The following NELL2 variants were observed in gnomAD, a reference collection of about 807,000 sequenced individuals.
NELL2 encodes the protein neural EGFL like 2.
NELL2 carries 41 observed loss-of-function variants against 109.6 expected under a neutral mutation model. That is an observed-to-expected ratio of 0.37 (90% CI 0.29 to 0.49). The LOEUF is 0.49. Among genes scored for constraint, NELL2 ranks in the 20% least tolerant of loss-of-function variants. NELL2 has a pLI of 0.98. For synonymous variants in NELL2, 355 were observed against 344.7 expected (o/e 1.03, Z -0.33); for missense variants, 900 against 1,008.3 (o/e 0.89, Z 1.45).
rs188565281 is a variant in NELL2, at chr12:44,888,285, G to C, written c.39-12385C>G. Among the ~76,000 whole-genome samples, 486 of 151,266 alleles carry C rather than the reference G, an allele frequency of 3.2e-3. 7 individuals carry two copies. The highest frequency in any genetic ancestry group is 0.011 in the African/African-American group (458 of 41,090). ...CAGGTATTGTGATGCCTTTGGTTTT[G>C]TTCTTTCGGCTAAGGATTACTTTAG... On this transcript the variant is annotated intron_variant, in intron 1 of 20. Transcript: ENST00000333837.
chr12:44,617,817 G>A (rs879943158), intron 13 of NELL2, among the ~76,000 whole-genome samples: 59 of 151,998 alleles, frequency 3.9e-4, no homozygotes, highest in Admixed American at 9.8e-4. Context: ...ACTTCAGTGG[G>A]ACAATTTCTT....
At chr12:44,532,529 T>A in intron 16 of NELL2, 52 bp downstream of exon 16, 1 of 1,567,706 alleles carries the variant, frequency 6.4e-7, no homozygotes, top group Admixed American at 1.8e-5. Flanking sequence ...TATGATATAT[T>A]CCTCAAGTTC....
chr12:44,583,851 C>A (rs1006206648), intron 15 of NELL2, among the ~76,000 whole-genome samples: 1 of 152,210 alleles, frequency 6.6e-6, no homozygotes, highest in South Asian at 2.1e-4. Context: ...CAGCTCATTG[C>A]AATCTCTGCC....
chr12:44,774,371 G>A (rs1249075381), intron 9 of NELL2, among the ~76,000 whole-genome samples: 1 of 152,204 alleles, frequency 6.6e-6, no homozygotes, highest in African/African-American at 2.4e-5. Context: ...ATCTTCTGCT[G>A]CTGAAGGCCA....
chr12:44,747,125 C>T (rs1473355240), intron 9 of NELL2, among the ~76,000 whole-genome samples: 2 of 152,126 alleles, frequency 1.3e-5, no homozygotes, highest in South Asian at 2.1e-4. Context: ...AGCCATAAAA[C>T]GTGATGAGTT....
At chr12:44,780,298 T>C (rs1385433167) in intron 3 of NELL2, among the ~76,000 whole-genome samples, 1 of 152,022 alleles carries the variant, frequency 6.6e-6, no homozygotes, top group African/African-American at 2.4e-5. Flanking sequence ...TCTGGAAATA[T>C]CAATGAATGT....
chr12:44,785,627 C>A (rs947899291), intron 3 of NELL2, among the ~76,000 whole-genome samples: 77 of 152,292 alleles, frequency 5.1e-4, no homozygotes, highest in African/African-American at 1.7e-3. Context: ...TGACTTCAAA[C>A]TATACTACAG....
intron 15 of NELL2, among the ~76,000 whole-genome samples, chr12:44,573,439 C>A (rs749949972): frequency 6.6e-6 from 1 of 152,066 alleles, no homozygotes; most frequent in Non-Finnish European, 1.5e-5. Flanking sequence ...AAGAAATGTA[C>A]CACAAGCACT....
intron 9 of NELL2, among the ~76,000 whole-genome samples, chr12:44,748,398 C>T (rs1940493096): frequency 6.6e-6 from 1 of 152,060 alleles, no homozygotes; most frequent in Non-Finnish European, 1.5e-5. Flanking sequence ...GGAATCGCTA[C>T]TTCTTTTGCA....
chr12:44,887,636 T>TTGTGTGTGTGTG (rs141640366), intron 1 of NELL2, among the ~76,000 whole-genome samples: 1,621 of 149,214 alleles, frequency 0.011, 41 homozygotes, highest in African/African-American at 0.038. Flanking sequence ...GGGGGGATTA[T>TTGTGTGTGTGTG]TGTGTGTGTG....
At chr12:44,823,043 G>T (rs1228495481) in intron 2 of NELL2, among the ~76,000 whole-genome samples, 2 of 152,052 alleles carry the variant, frequency 1.3e-5, no homozygotes, top group Non-Finnish European at 2.9e-5. Flanking sequence ...AGCAAACATG[G>T]GTGTTTACTG....
chr12:44,651,128 A>G lies in NELL2; in HGVS notation c.1444+14356T>C, dbSNP rs148057566. 3.9e-5 allele frequency among the ~76,000 whole-genome samples: 6 copies of G among 152,330 alleles called. No homozygotes were observed. The East Asian group carries it at 7.7e-4, about 20-fold the overall frequency. On this transcript the variant is annotated intron_variant, in intron 13 of 19. Coordinates refer to ENST00000429094, the MANE Select transcript of NELL2 (RefSeq NM_001145108.2). ...CAAGGGATCTAGGTTGCATGCTCCT[A>G]TGGAATCTAATGTGGAACAGTTTCA...
chr12:44,902,884 C>T (rs554398089), intron 1 of NELL2, among the ~76,000 whole-genome samples: 1 of 152,272 alleles, frequency 6.6e-6, no homozygotes, highest in Admixed American at 6.5e-5. Context: ...CTTCCTTATA[C>T]CTTATACAAA....
chr12:44,589,062 T>C (rs746106343), intron 15 of NELL2, among the ~76,000 whole-genome samples: 19 of 152,050 alleles, frequency 1.2e-4, no homozygotes, highest in Non-Finnish European at 2.2e-4. Context: ...TTCACAGAGG[T>C]AGAAATAGAG....
At chr12:44,765,119 C>T (rs1323205047) in intron 9 of NELL2, among the ~76,000 whole-genome samples, 1 of 152,136 alleles carries the variant, frequency 6.6e-6, no homozygotes, top group Non-Finnish European at 1.5e-5. Flanking sequence ...GACCTTACAG[C>T]TTGTCTGAAA....
At chr12:44,793,298 CAG>C (rs1206299780) in intron 3 of NELL2, among the ~76,000 whole-genome samples, 3 of 152,084 alleles carry the variant, frequency 2.0e-5, no homozygotes, top group South Asian at 2.1e-4. Flanking sequence ...AGACACCAGC[CAG>C]AGAGTCCCTT....
rs570048717 is a variant in NELL2, at chr12:44,624,818, TC to T, written c.1445-13849del. On this transcript the variant is annotated intron_variant, in intron 13 of 19. Coordinates refer to ENST00000429094, the MANE Select transcript of NELL2 (RefSeq NM_001145108.2). ...TCTAACTTGGTCTCTGCATTCTCCA[TC>T]CTCCACGCGCAATCCAAAATAATAA... 1.6e-4 allele frequency among the ~76,000 whole-genome samples: 24 copies of T among 151,792 alleles called. 1 individual carries two copies. Among genetic ancestry groups the T allele is most frequent in the Admixed American group, 1.4e-3 (21 of 15,216 alleles).
intron 13 of NELL2, among the ~76,000 whole-genome samples, chr12:44,648,257 C>T (rs905826245): frequency 2.0e-5 from 3 of 152,162 alleles, no homozygotes; most frequent in African/African-American, 7.2e-5. Flanking sequence ...GCTAAATCCT[C>T]AAATGATCAT....
At chr12:44,837,076 A>G (rs1944075550) in intron 2 of NELL2, among the ~76,000 whole-genome samples, 1 of 152,218 alleles carries the variant, frequency 6.6e-6, no homozygotes, top group Non-Finnish European at 1.5e-5. Context: ...CCTGGCACAT[A>G]GTGAGCATTT....
Sources: allele counts gnomAD v4.1 joint callset (sites outside exome capture counted in the v4.1 genomes callset), GRCh38; gene constraint gnomAD v4.1.1; transcripts MANE v1.5; gene names NCBI Gene and HGNC (gene_info 2026-07-23, HGNC 2026-07-21).